ZNF827: variants seen among roughly 807,000 people sequenced by gnomAD.
The protein encoded by ZNF827 is zinc finger protein 827.
ZNF827 carries 13 observed loss-of-function variants against 102.4 expected under a neutral mutation model. That is an observed-to-expected ratio of 0.13 (90% confidence interval 0.08 to 0.20). ZNF827 has a LOEUF of 0.20. ZNF827 is among the 10% of genes least tolerant of loss of function. The probability of loss-of-function intolerance (pLI) is 1.00; values close to 1 mark genes in which losing one functional copy is unlikely to be tolerated. For synonymous variants in ZNF827, 523 were observed against 536.2 expected (o/e 0.98, Z 0.34); for missense variants, 1,103 against 1,344.4 (o/e 0.82, Z 2.81).
chr4:145,879,701 T>G (rs1486036098), intron 4 of ZNF827, among the ~76,000 whole-genome samples: 1 of 152,248 alleles, frequency 6.6e-6, no homozygotes, highest in African/African-American at 2.4e-5. Flanking sequence ...CAGTTGGCCC[T>G]ACTCTTACTG....
At chr4:145,846,761 G>T (rs533299637) in intron 6 of ZNF827, among the ~76,000 whole-genome samples, 11 of 143,114 alleles carry the variant, frequency 7.7e-5, no homozygotes, top group African/African-American at 2.9e-4. Flanking sequence ...AGCTTGCAGC[G>T]AGCCGAGATC....
intron 8 of ZNF827, among the ~76,000 whole-genome samples, chr4:145,802,247 A>T (rs1455160820): frequency 1.3e-5 from 2 of 152,256 alleles, no homozygotes; most frequent in Non-Finnish European, 2.9e-5. Context: ...ACTGTTCTTC[A>T]ATGAGATTCA....
chr4:145,869,466 T>C (rs1011087917), intron 5 of ZNF827, among the ~76,000 whole-genome samples: 2 of 152,228 alleles, frequency 1.3e-5, no homozygotes, highest in Non-Finnish European at 2.9e-5. Flanking sequence ...TAAGAGGTAA[T>C]GAACTAAGGA....
intron 7 of ZNF827, chr4:145,839,508 G>A (rs1430663476): frequency 6.6e-6 from 1 of 152,284 alleles, no homozygotes; most frequent in Admixed American, 6.5e-5. Flanking sequence ...CCTCTGTCAT[G>A]TGGAAGTTAC....
At chr4:145,808,130 T>C (rs1472461597) in intron 8 of ZNF827, among the ~76,000 whole-genome samples, 1 of 149,716 alleles carries the variant, frequency 6.7e-6, no homozygotes, top group Non-Finnish European at 1.5e-5. Flanking sequence ...CATAGAAAAT[T>C]AGTGAGCAAA....
At chr4:145,915,674 T>C (rs182219471) in intron 1 of ZNF827, among the ~76,000 whole-genome samples, 23 of 152,302 alleles carry the variant, frequency 1.5e-4, no homozygotes, top group Admixed American at 1.4e-3. Context: ...ATGCGAAATA[T>C]ATTCATTCCA....
chr4:145,823,355 C>G, intron 8 of ZNF827, 67 bp downstream of exon 8: 1 of 1,328,272 alleles, frequency 7.5e-7, no homozygotes, highest in African/African-American at 1.4e-5. Context: ...TCTGAAAATT[C>G]ACACATTTCA....
At chr4:145,822,244 G>C (rs1278389851) in intron 8 of ZNF827, among the ~76,000 whole-genome samples, 1 of 152,228 alleles carries the variant, frequency 6.6e-6, no homozygotes, top group Non-Finnish European at 1.5e-5. Context: ...AAAGCATGCA[G>C]GTATCTGGAT....
intron 3 of ZNF827, among the ~76,000 whole-genome samples, chr4:145,888,420 T>A (rs897127329): frequency 6.6e-6 from 1 of 152,238 alleles, no homozygotes; most frequent in African/African-American, 2.4e-5. Flanking sequence ...CAGGCCATGT[T>A]TAGGGGCTCA....
At chr4:145,893,341 A>T (rs2126854256) in intron 2 of ZNF827, among the ~76,000 whole-genome samples, 1 of 152,380 alleles carries the variant, frequency 6.6e-6, no homozygotes, top group Middle Eastern at 3.4e-3. Context: ...AAAGAAGCAG[A>T]ATCAAGAACT....
At chr4:145,822,055 G>T (rs1743193130) in intron 8 of ZNF827, among the ~76,000 whole-genome samples, 1 of 152,144 alleles carries the variant, frequency 6.6e-6, no homozygotes, top group South Asian at 2.1e-4. Flanking sequence ...CAGGGAGATG[G>T]CTATTCAAAA....
chr4:145,890,860 C>G (rs983078170), intron 3 of ZNF827, among the ~76,000 whole-genome samples: 2 of 152,294 alleles, frequency 1.3e-5, no homozygotes, highest in African/African-American at 4.8e-5. Context: ...GCATGCTACT[C>G]CCAGGAGACA....
chr4:145,903,056 T>G lies in ZNF827; in HGVS notation c.203A>C (p.Asp68Ala). ...GGGAGTCGTGCTTCCCAAGGAGGTG[T>G]CCGGGGACGTGGACTGCTCCTGGAT... is the stretch of plus-strand genomic sequence containing the variant. ...DRIQEQSTSP[D>A]TSLGSTTPSS... Residue 68 changes from aspartate to alanine, a missense_variant, in exon 2 of 15, where the codon GAC becomes GCC. Physicochemically the swap from Asp to Ala is moderately radical, Grantham distance 126. Around this residue, in one of 5 missense-constraint regions of ZNF827, gnomAD observed 441 missense variants for 458.6 expected, o/e 0.96. Transcript: ENST00000508784. 1 of 1,614,150 alleles carries G rather than the reference T, an allele frequency of 6.2e-7. No individual in the cohort carries two copies. Among genetic ancestry groups the G allele is most frequent in the Non-Finnish European group, 8.5e-7 (1 of 1,180,028 alleles).
chr4:145,905,583 T>C (rs1276861718), intron 1 of ZNF827, among the ~76,000 whole-genome samples: 1 of 152,232 alleles, frequency 6.6e-6, no homozygotes, highest in African/African-American at 2.4e-5. Flanking sequence ...TTTCCTGAAA[T>C]TGGCGGCGAC....
chr4:145,937,750 C>T (rs2127018669), intron 1 of ZNF827, among the ~76,000 whole-genome samples: 1 of 147,660 alleles, frequency 6.8e-6, no homozygotes, highest in Admixed American at 6.7e-5. Context: ...CCAGCCGCCG[C>T]CGCCGCTGCC....
At chr4:145,794,042 G>T (rs1253290018) in intron 8 of ZNF827, among the ~76,000 whole-genome samples, 1 of 152,138 alleles carries the variant, frequency 6.6e-6, no homozygotes, top group Non-Finnish European at 1.5e-5. Context: ...CATACTAAAG[G>T]CTTTGCAGAA....
At chr4:145,894,166 G>T (rs933830374) in intron 2 of ZNF827, among the ~76,000 whole-genome samples, 4 of 152,178 alleles carry the variant, frequency 2.6e-5, no homozygotes, top group Non-Finnish European at 5.9e-5. Context: ...CAAACAAGCG[G>T]ATATGATGTC....
intron 4 of ZNF827, among the ~76,000 whole-genome samples, chr4:145,883,939 T>A (rs1203891122): frequency 2.0e-5 from 3 of 152,104 alleles, no homozygotes; most frequent in East Asian, 3.9e-4. Flanking sequence ...ACAGCAAACA[T>A]GGAATACATG....
At chr4:145,813,638 C>T (rs1231780174) in intron 8 of ZNF827, among the ~76,000 whole-genome samples, 1 of 152,112 alleles carries the variant, frequency 6.6e-6, no homozygotes, top group African/African-American at 2.4e-5. Context: ...TAACCTGTGG[C>T]AAAAACAGAC....
Sources: allele counts gnomAD v4.1 joint callset (sites outside exome capture counted in the v4.1 genomes callset), GRCh38; gene constraint gnomAD v4.1.1; regional missense constraint gnomAD v4.1.1; transcripts MANE v1.5; gene names NCBI Gene and HGNC (gene_info 2026-07-23, HGNC 2026-07-21).